The following SLC35H1 variants were observed in gnomAD, a reference collection of about 807,000 sequenced individuals.
SLC35H1 encodes the protein solute carrier family 35 member H1.
the SLC35H1 span, chr20:46,350,088 A>C: frequency 4.4e-6 from 1 of 228,954 alleles, no homozygotes; most frequent in Non-Finnish European, 8.5e-6. Context: ...GTGCCTTGGA[A>C]ATGAGTCTCG....
the SLC35H1 span, among the ~76,000 whole-genome samples, chr20:46,363,622 CTCT>C: frequency 6.6e-6 from 1 of 152,226 alleles, no homozygotes; most frequent in African/African-American, 2.4e-5. Flanking sequence ...CCCTCTACTT[CTCT>C]TCCTCTCCAT....
chr20:46,362,952 G>C, the SLC35H1 span: 2 of 152,326 alleles, frequency 1.3e-5, no homozygotes, highest in Admixed American at 6.5e-5. Flanking sequence ...TTTTAGTGGA[G>C]ACAGGGTTTC....
chr20:46,358,464 C>T, the SLC35H1 span: 3 of 1,614,132 alleles, frequency 1.9e-6, no homozygotes, highest in African/African-American at 2.7e-5. Flanking sequence ...AGGGTCAACA[C>T]CGCCTTCCAC....
At chr20:46,357,234 G>A in the SLC35H1 span, among the ~76,000 whole-genome samples, 3 of 152,208 alleles carry the variant, frequency 2.0e-5, no homozygotes, top group Middle Eastern at 3.2e-3. Context: ...CATGGGCCCC[G>A]GCCTTGGGTT....
At chr20:46,355,230 C>G in the SLC35H1 span, 3 of 1,613,508 alleles carry the variant, frequency 1.9e-6, no homozygotes, top group South Asian at 3.3e-5. This position sits in a 1 kb window ranked among gnomAD's most constrained non-coding sequence, Gnocchi z 4.8. Context: ...CCACCAGGAC[C>G]AGTGCCGCGC....
the SLC35H1 span, among the ~76,000 whole-genome samples, chr20:46,353,809 C>T: frequency 4.6e-5 from 7 of 151,250 alleles, no homozygotes; most frequent in Non-Finnish European, 8.8e-5. Context: ...GAGAGTGTGG[C>T]GTTTGGTACA....
the SLC35H1 span, chr20:46,356,753 G>A: frequency 2.1e-6 from 2 of 946,690 alleles, no homozygotes; most frequent in East Asian, 2.7e-5. Flanking sequence ...GGTGCCTCCT[G>A]TGGGGCCCTT....
the SLC35H1 span, among the ~76,000 whole-genome samples, chr20:46,362,108 G>A: frequency 1.3e-5 from 2 of 152,102 alleles, no homozygotes; most frequent in Non-Finnish European, 2.9e-5. Context: ...GGTCACCTAT[G>A]CCCAAACACA....
the SLC35H1 span, among the ~76,000 whole-genome samples, chr20:46,351,229 A>C: frequency 6.6e-6 from 1 of 152,234 alleles, no homozygotes; most frequent in Non-Finnish European, 1.5e-5. Context: ...GCCACAGAAG[A>C]GAGCCCTGAG....
the SLC35H1 span, among the ~76,000 whole-genome samples, chr20:46,355,649 C>T: frequency 6.6e-6 from 1 of 152,114 alleles, no homozygotes; most frequent in Non-Finnish European, 1.5e-5. This position sits in a 1 kb window ranked among gnomAD's most constrained non-coding sequence, Gnocchi z 4.8. Flanking sequence ...GAGTATTGCC[C>T]ATGTCTAGGT....
the SLC35H1 span, chr20:46,355,058 GT>G: frequency 6.2e-7 from 1 of 1,614,000 alleles, no homozygotes; most frequent in South Asian, 1.1e-5. This position sits in a 1 kb window ranked among gnomAD's most constrained non-coding sequence, Gnocchi z 4.8. Context: ...TGGAGGATGA[GT>G]GGCACGTGCT....
At chr20:46,352,051 C>T in the SLC35H1 span, 3 of 1,614,084 alleles carry the variant, frequency 1.9e-6, no homozygotes, top group Non-Finnish European at 2.5e-6. Flanking sequence ...GAGTCTGTAC[C>T]TTAAAAATGC....
At chr20:46,358,520 A>G in the SLC35H1 span, 26 of 1,614,068 alleles carry the variant, frequency 1.6e-5, no homozygotes, top group Non-Finnish European at 1.9e-5. Context: ...TGGCGGCTGC[A>G]GCACCGGAGC....
At chr20:46,359,451 C>T in the SLC35H1 span, among the ~76,000 whole-genome samples, 4 of 152,274 alleles carry the variant, frequency 2.6e-5, no homozygotes, top group East Asian at 1.9e-4. Flanking sequence ...TTAAGTTCTC[C>T]GTCTGGTTTG....
At chr20:46,356,581 C>T in the SLC35H1 span, 7 of 1,613,998 alleles carry the variant, frequency 4.3e-6, no homozygotes, top group African/African-American at 2.7e-5. Flanking sequence ...CACAGCGAGA[C>T]GGTGACATAC....
At chr20:46,350,851 C>A in the SLC35H1 span, 1 of 1,613,946 alleles carries the variant, frequency 6.2e-7, no homozygotes, top group South Asian at 1.1e-5. Flanking sequence ...CTGATCTGAT[C>A]GCCCAGCAGA....
the SLC35H1 span, among the ~76,000 whole-genome samples, chr20:46,351,811 G>A: frequency 6.6e-6 from 1 of 152,300 alleles, no homozygotes; most frequent in Non-Finnish European, 1.5e-5. Flanking sequence ...GGGGAGGGGC[G>A]GCTCTCCATC....
the SLC35H1 span, among the ~76,000 whole-genome samples, chr20:46,359,310 C>A: frequency 6.6e-6 from 1 of 152,190 alleles, no homozygotes; most frequent in African/African-American, 2.4e-5. Flanking sequence ...GCTTTCACGG[C>A]TCTCCTACTT....
chr20:46,348,263 A>G, the SLC35H1 span: 2 of 152,156 alleles, frequency 1.3e-5, no homozygotes, highest in African/African-American at 4.8e-5. Flanking sequence ...GTGCGAGGTA[A>G]GGGCCCCCGC....
Sources: gnomAD v4.1 joint callset for allele counts (sites outside exome capture counted in the v4.1 genomes callset) on GRCh38, gnomAD v4.1.1 for gene constraint, Gnocchi (gnomAD v3.1) non-coding constraint, MANE v1.5 for transcripts, NCBI Gene and HGNC (gene_info 2026-07-23, HGNC 2026-07-21) for gene names.